MTG1: variants seen among roughly 807,000 people sequenced by gnomAD.
MTG1 encodes mitochondrial ribosome associated GTPase 1.
A neutral mutation model predicts 39.5 loss-of-function variants in MTG1; 30 were observed. The observed-to-expected ratio is 0.76, with a 90% CI of 0.57 to 1.03. The LOEUF (loss-of-function observed/expected upper bound fraction) is 1.03. Among genes scored for constraint, MTG1 ranks in the 50% least tolerant of loss-of-function variants. MTG1 has a pLI of 0.00. For synonymous variants in MTG1, 217 were observed against 179.0 expected (o/e 1.21, Z -1.69); for missense variants, 513 against 447.4 (o/e 1.15, Z -1.32).
At chr10:133,394,446 GC>G in intron 1 of MTG1, 114 bp downstream of exon 1, 1 of 1,319,772 alleles carries the variant, frequency 7.6e-7, no homozygotes, top group Non-Finnish European at 9.8e-7. Flanking sequence ...GGCTGGCCCC[GC>G]CCCTCCTCCC....
intron 9 of MTG1, among the ~76,000 whole-genome samples, chr10:133,409,276 TATTA>T (rs1850011152): frequency 6.6e-6 from 1 of 152,206 alleles, no homozygotes; most frequent in South Asian, 2.1e-4. Context: ...AAATTTTTCT[TATTA>T]ATTTCTTTAT....
At chr10:133,399,890 G>T in intron 6 of MTG1, 1 of 422,886 alleles carries the variant, frequency 2.4e-6, no homozygotes. Context: ...TTTGATATTT[G>T]TTCATTTATT....
chr10:133,398,955 C>T (rs920387478), intron 4 of MTG1, among the ~76,000 whole-genome samples: 1 of 152,174 alleles, frequency 6.6e-6, no homozygotes, highest in South Asian at 2.1e-4. Flanking sequence ...TTCCCAACAC[C>T]GGATACTTGG....
chr10:133,415,781 A>T (rs1264651121), intron 9 of MTG1, among the ~76,000 whole-genome samples: 3 of 152,168 alleles, frequency 2.0e-5, no homozygotes, highest in African/African-American at 7.2e-5. Flanking sequence ...GAAACTTCAT[A>T]TCTGCAGGTG....
At chr10:133,408,268 G>T (rs2265640) in intron 9 of MTG1, among the ~76,000 whole-genome samples, 1 of 152,232 alleles carries the variant, frequency 6.6e-6, no homozygotes, top group African/African-American at 2.4e-5. Flanking sequence ...AGCTTTTATC[G>T]TGAAGCGATG....
chr10:133,402,992 T>G lies in MTG1; in HGVS notation c.752+219T>G, dbSNP rs1849910136. 6.7e-6 allele frequency among the ~76,000 whole-genome samples: 1 copy of G among 149,594 alleles called. No homozygotes were observed. The highest frequency in any genetic ancestry group is 2.1e-4 in the South Asian group (1 of 4,776). ...AAACGAGCGTTCCCGTCACCCCCAG[T>G]CCCTGCTCCTCTTTCGTGAAATCAA... is the stretch of plus-strand genomic sequence containing the variant. On this transcript the variant is annotated intron_variant, in intron 9 of 10. Coordinates refer to ENST00000317502, the MANE Select transcript of MTG1 (RefSeq NM_138384.4). The surrounding 1 kb of genome is among the most constrained non-coding windows in gnomAD (Gnocchi z 4.7).
Position 133,396,169 on chromosome 10 carries a change from CT to C in MTG1, c.187del (p.Ser63GlnfsTer38). On this transcript the variant is annotated frameshift_variant, in exon 3 of 11. Coordinates refer to ENST00000317502, the MANE Select transcript of MTG1 (RefSeq NM_138384.4). LOFTEE classifies it high-confidence loss of function. ...TTTACCTTAATTTTGCCACATCCCA[CT>C]TTCAGGCCGCAACCCTCTGTTTCAG... is the stretch of plus-strand genomic sequence containing the variant. ...IIEVHDARIP[L>X]SGRNPLFQET... 6.2e-7 allele frequency: 1 copy of C among 1,613,920 alleles called. No homozygotes were observed. The highest frequency in any genetic ancestry group is 8.5e-7 in the Non-Finnish European group (1 of 1,179,818).
chr10:133,399,166 G>T lies in MTG1; in HGVS notation c.364-4G>T, dbSNP rs768831656. The T allele has an allele frequency of 4.3e-6, 7 of 1,614,188 alleles. No homozygotes were observed. The highest frequency in any genetic ancestry group is 5.1e-6 in the Non-Finnish European group (6 of 1,180,024). On this transcript the variant is annotated splice_region_variant and splice_polypyrimidine_tract_variant and intron_variant, in intron 4 of 10. Coordinates refer to ENST00000317502, the MANE Select transcript of MTG1 (RefSeq NM_138384.4). ...GTGGCTCCATGAGTGGGTGTTTGTT[G>T]CAGATCATCCCGATGGTCACTGAAC... is the stretch of plus-strand genomic sequence containing the variant.
chr10:133,394,774 C>G lies in MTG1; in HGVS notation c.112+442C>G, dbSNP rs752516147. The G allele has an allele frequency of 1.4e-3, 1,413 of 977,878 alleles. 2 individuals are homozygous for G. Among genetic ancestry groups the G allele is most frequent in the Non-Finnish European group, 1.6e-3 (1,343 of 821,404 alleles). 60.6% of individuals were successfully genotyped at this position (977,878 alleles called of 1,614,324 possible). On this transcript the variant is annotated intron_variant, in intron 1 of 10. Coordinates refer to ENST00000317502, the MANE Select transcript of MTG1 (RefSeq NM_138384.4). ...GTTTTAACTGGTATCTTGAGTCGTT[C>G]TCCTGCTTAACGTCTTTGGTAATTC...
intron 3 of MTG1, 90 bp downstream of exon 3, chr10:133,396,357 T>C: frequency 8.8e-7 from 1 of 1,130,028 alleles, no homozygotes; most frequent in Middle Eastern, 2.9e-4. Flanking sequence ...GGACGCACAC[T>C]TGTCAGTTTG....
chr10:133,409,198 A>G (rs1750193216), intron 9 of MTG1, among the ~76,000 whole-genome samples: 1 of 152,062 alleles, frequency 6.6e-6, no homozygotes, highest in South Asian at 2.1e-4. Context: ...CGTCTTAGCA[A>G]CACTTTTGCT....
chr10:133,395,535 C>T (rs1292680488), intron 1 of MTG1, among the ~76,000 whole-genome samples, 178 bp from the exon 2 acceptor site: 2 of 152,192 alleles, frequency 1.3e-5, no homozygotes, highest in Non-Finnish European at 2.9e-5. Context: ...TCCGAGGGTG[C>T]GGACCTTGGA....
intron 9 of MTG1, among the ~76,000 whole-genome samples, chr10:133,411,492 G>A (rs1441568407): frequency 6.6e-6 from 1 of 152,104 alleles, no homozygotes; most frequent in African/African-American, 2.4e-5. Flanking sequence ...CTTTCTGAGG[G>A]TTTGAAAATT....
At chr10:133,417,691 A>G (rs1358703714) in intron 9 of MTG1, among the ~76,000 whole-genome samples, 2 of 152,200 alleles carry the variant, frequency 1.3e-5, no homozygotes, top group African/African-American at 4.8e-5. Flanking sequence ...CTCAGGATAC[A>G]AAATCAATGT....
chr10:133,397,706 C>T (rs553610584), intron 3 of MTG1, among the ~76,000 whole-genome samples: 7 of 151,798 alleles, frequency 4.6e-5, no homozygotes, highest in African/African-American at 1.5e-4. Context: ...TCTCAATCTC[C>T]TGACCTCATG....
At chr10:133,418,938 G>A (rs747679069) in intron 9 of MTG1, among the ~76,000 whole-genome samples, 31 of 152,226 alleles carry the variant, frequency 2.0e-4, no homozygotes, top group Non-Finnish European at 3.7e-4. Context: ...GCTTAGCAGC[G>A]GTGGGTGCCT....
intron 9 of MTG1, among the ~76,000 whole-genome samples, chr10:133,406,024 C>G (rs368932337): frequency 3.6e-4 from 55 of 152,270 alleles, no homozygotes; most frequent in African/African-American, 1.3e-3. Flanking sequence ...TTAATAAAAG[C>G]CATTTTAACT....
At chr10:133,397,895 G>A (rs185212698) in intron 3 of MTG1, among the ~76,000 whole-genome samples, 190 of 151,898 alleles carry the variant, frequency 1.3e-3, no homozygotes, top group African/African-American at 4.1e-3. Flanking sequence ...GTGGGTGGCC[G>A]TCTAGTATAG....
chr10:133,415,531 G>A (rs1850111978), intron 9 of MTG1, among the ~76,000 whole-genome samples: 1 of 152,226 alleles, frequency 6.6e-6, no homozygotes, highest in Admixed American at 6.5e-5. Flanking sequence ...GGTCATGTTT[G>A]TTTGTTTTAG....
Sources: allele counts gnomAD v4.1 joint callset (sites outside exome capture counted in the v4.1 genomes callset), GRCh38; gene constraint gnomAD v4.1.1; non-coding constraint Gnocchi (gnomAD v3.1); transcripts MANE v1.5; gene names NCBI Gene and HGNC (gene_info 2026-07-23, HGNC 2026-07-21).